The following TRIP4 variants were observed in gnomAD, a reference collection of about 807,000 sequenced individuals.
TRIP4 encodes the protein activating signal cointegrator 1.
TRIP4 carries 54 observed loss-of-function variants against 81.8 expected under a neutral mutation model. The observed-to-expected ratio is 0.66, with a 90% CI of 0.53 to 0.83. The LOEUF is 0.83. Among genes scored for constraint, TRIP4 ranks in the 40% least tolerant of loss-of-function variants. TRIP4 has a pLI of 0.00. For synonymous variants in TRIP4, 270 were observed against 242.8 expected (o/e 1.11, Z -1.04); for missense variants, 662 against 683.6 (o/e 0.97, Z 0.35).
intron 2 of TRIP4, 101 bp downstream of exon 2, chr15:64,394,216 C>T (rs1387353056): frequency 2.7e-6 from 3 of 1,092,364 alleles, no homozygotes; most frequent in Non-Finnish European, 3.8e-6. Flanking sequence ...TGTTTCTTCA[C>T]AGCTAACTTA....
intron 12 of TRIP4, among the ~76,000 whole-genome samples, chr15:64,452,665 A>T (rs963009935): frequency 1.3e-5 from 2 of 152,114 alleles, no homozygotes; most frequent in Non-Finnish European, 2.9e-5. Context: ...TTTTACTCAA[A>T]TCTTTCTGGC....
chr15:64,390,469 A>G (rs1900092769), intron 1 of TRIP4, among the ~76,000 whole-genome samples: 1 of 151,904 alleles, frequency 6.6e-6, no homozygotes, highest in Non-Finnish European at 1.5e-5. Context: ...TCAAAAAAAA[A>G]AAGGAAAAAA....
chr15:64,434,890 A>G (rs1318745960), intron 11 of TRIP4, among the ~76,000 whole-genome samples: 1 of 152,104 alleles, frequency 6.6e-6, no homozygotes, highest in Non-Finnish European at 1.5e-5. Context: ...CTAGTCTACC[A>G]TGTAAACCAA....
At chr15:64,413,493 G>T (rs1195333625) in intron 7 of TRIP4, among the ~76,000 whole-genome samples, 1 of 152,060 alleles carries the variant, frequency 6.6e-6, no homozygotes, top group Admixed American at 6.6e-5. Flanking sequence ...CAGCTTTTCT[G>T]GTCTTGGCAT....
At chr15:64,447,021 G>A (rs1314669895) in intron 12 of TRIP4, among the ~76,000 whole-genome samples, 2 of 151,974 alleles carry the variant, frequency 1.3e-5, no homozygotes, top group Non-Finnish European at 2.9e-5. Flanking sequence ...GGAGAATGGC[G>A]TGAACCTGGG....
Position 64,424,442 on chromosome 15 carries a change from A to G in TRIP4, c.1483+287A>G, listed in dbSNP as rs190086215. ...ACTCTAAAGGTAAAATGACTAGTGTAAACTCTGAGATCCTTACATTGGGAA... is the reference window on the plus strand; with the variant it reads ...ACTCTAAAGGTAAAATGACTAGTGTGAACTCTGAGATCCTTACATTGGGAA... On this transcript the variant is annotated intron_variant, in intron 10 of 12. Transcript: ENST00000261884. The G allele has an allele frequency of 1.6e-5, 5 of 313,018 alleles. No homozygotes were observed. In the Admixed American group the frequency reaches 2.2e-4, roughly 14 times the overall value. The allele number at this position is 313,018 out of a possible 1,614,324, so 19.4% of individuals were successfully genotyped here. A position where few individuals can be genotyped will look rare whatever the true frequency, so the allele number is the denominator to read the frequency against.
intron 5 of TRIP4, among the ~76,000 whole-genome samples, chr15:64,403,966 C>T (rs904926942): frequency 1.3e-5 from 2 of 151,820 alleles, no homozygotes; most frequent in East Asian, 1.9e-4. Context: ...CCGAGACGGG[C>T]GGATCACCTG....
At chr15:64,397,384 A>G (rs368937824) in intron 3 of TRIP4, among the ~76,000 whole-genome samples, 2 of 152,328 alleles carry the variant, frequency 1.3e-5, no homozygotes, top group East Asian at 3.9e-4. Flanking sequence ...GCTGAAAGCT[A>G]CTAGCAGAAA....
intron 5 of TRIP4, among the ~76,000 whole-genome samples, chr15:64,404,989 T>A (rs1424739646): frequency 6.6e-6 from 1 of 151,720 alleles, no homozygotes; most frequent in Non-Finnish European, 1.5e-5. Context: ...CACAGCCACC[T>A]AACCCATTTT....
In TRIP4 at chr15:64,425,792, C is replaced by T. The variant is rs141568723; in HGVS notation, c.1575+161C>T. Among the ~76,000 whole-genome samples the T allele has an allele frequency of 5.5e-4, 84 of 152,208 alleles. No homozygotes were observed. In the East Asian group the frequency reaches 0.014, roughly 25 times the overall value. The stretch of plus-strand genomic sequence containing the variant: ...TGCATATAAATATCTGTATAAAAAG[C>T]TGTTTCCAGGCCGGGCGCTGGTGGC... On this transcript the variant is annotated intron_variant, in intron 11 of 12. Coordinates refer to ENST00000261884, the MANE Select transcript of TRIP4 (RefSeq NM_016213.5).
At position 64,455,123 on chromosome 15, in the gene TRIP4, A is replaced by G. The variant is rs371439690; in HGVS notation, c.*59A>G. On this transcript the variant is annotated 3_prime_UTR_variant, in exon 13 of 13. Coordinates refer to ENST00000261884, the MANE Select transcript of TRIP4 (RefSeq NM_016213.5). ...GTTTTGTGTACTAAAATTGCTATCT[A>G]CTGGTCCTTTGGAATTGAAGTAGTA... The G allele has an allele frequency of 1.4e-4, 209 of 1,509,440 alleles. No homozygotes were observed. Among genetic ancestry groups the G allele is most frequent in the Non-Finnish European group, 1.7e-4 (185 of 1,095,150 alleles). The allele number at this position is 1,509,440 out of a possible 1,614,324, so 93.5% of individuals were successfully genotyped here.
At chr15:64,424,331 T>G (rs1403144499) in intron 10 of TRIP4, 176 bp downstream of exon 10, 1 of 788,996 alleles carries the variant, frequency 1.3e-6, no homozygotes, top group Non-Finnish European at 1.9e-6. Context: ...CATTAATCTG[T>G]CAAAACAGTG....
intron 3 of TRIP4, among the ~76,000 whole-genome samples, chr15:64,396,082 G>A (rs140218079): frequency 0.013 from 1,976 of 151,200 alleles, 31 homozygotes; most frequent in African/African-American, 0.046. Flanking sequence ...CTAATTTTTC[G>A]TATTTTAGTA....
intron 12 of TRIP4, among the ~76,000 whole-genome samples, chr15:64,449,068 C>G (rs1892694871): frequency 6.6e-6 from 1 of 151,796 alleles, no homozygotes; most frequent in Admixed American, 6.6e-5. Flanking sequence ...AAAAATTATT[C>G]CAGTGTGGTG....
At chr15:64,422,091 T>C (rs1324745086) in intron 9 of TRIP4, among the ~76,000 whole-genome samples, 1 of 151,748 alleles carries the variant, frequency 6.6e-6, no homozygotes, top group Non-Finnish European at 1.5e-5. Flanking sequence ...TTATACTATC[T>C]AGGTTTGTGT....
At chr15:64,450,905 T>C in intron 12 of TRIP4, 1 of 269,880 alleles carries the variant, frequency 3.7e-6, no homozygotes, top group Admixed American at 3.9e-5. Flanking sequence ...AATGTTCTCA[T>C]TCAGTAAAGC....
At chr15:64,451,946 C>T (rs1892773886) in intron 12 of TRIP4, among the ~76,000 whole-genome samples, 1 of 113,584 alleles carries the variant, frequency 8.8e-6, no homozygotes, top group South Asian at 2.7e-4. Flanking sequence ...AGCCACTGTG[C>T]CCGGCCCAAA....
intron 7 of TRIP4, among the ~76,000 whole-genome samples, chr15:64,412,538 C>G (rs1211414664): frequency 2.2e-5 from 3 of 136,520 alleles, no homozygotes; most frequent in African/African-American, 7.8e-5. Context: ...AAATCTGCCA[C>G]TTGGATTGAA....
At chr15:64,413,797 A>G (rs1891824967) in intron 7 of TRIP4, among the ~76,000 whole-genome samples, 1 of 151,850 alleles carries the variant, frequency 6.6e-6, no homozygotes, top group African/African-American at 2.4e-5. Flanking sequence ...CATGTTGGCC[A>G]GGATGGTCTC....
Sources: gnomAD v4.1 joint callset for allele counts (sites outside exome capture counted in the v4.1 genomes callset) on GRCh38, gnomAD v4.1.1 for gene constraint, MANE v1.5 for transcripts, NCBI Gene and HGNC (gene_info 2026-07-23, HGNC 2026-07-21) for gene names.